The following ZNF283 variants were observed in gnomAD, a reference collection of about 807,000 sequenced individuals.
ZNF283 encodes zinc finger protein 283.
Under a neutral mutation model 9.2 loss-of-function variants are expected in ZNF283, and 10 were observed. The ratio of observed to expected loss-of-function variants is 1.09; its 90% confidence interval spans 0.67 to 1.85. ZNF283 has a LOEUF of 1.85. Among genes scored for constraint, ZNF283 ranks in the 40% most tolerant of loss-of-function variants. The probability of loss-of-function intolerance (pLI) is 0.00; values close to 1 mark genes in which losing one functional copy is unlikely to be tolerated. For synonymous variants in ZNF283, 234 were observed against 244.1 expected (o/e 0.96, Z 0.38); for missense variants, 631 against 760.1 (o/e 0.83, Z 2.00).
chr19:43,835,670 C>T (rs976475477), intron 5 of ZNF283, 78 bp downstream of exon 5: 55 of 1,183,218 alleles, frequency 4.6e-5, no homozygotes, highest in Middle Eastern at 4.0e-4. Context: ...TTCCTTAGAC[C>T]TATAGAACTT....
At chr19:43,839,468 G>T (rs1463531288) in intron 6 of ZNF283, among the ~76,000 whole-genome samples, 5 of 151,934 alleles carry the variant, frequency 3.3e-5, no homozygotes, top group African/African-American at 1.2e-4. Flanking sequence ...TTGGATGTGT[G>T]TATTCCTGCC....
At position 43,848,177 on chromosome 19, in the gene ZNF283, T is replaced by C; in HGVS notation, c.1576T>C (p.Cys526Arg). The change falls in exon 7 of 7, where the codon TGT (cysteine) becomes CGT (arginine). Residue 526 changes from cysteine to arginine, a missense_variant. Coordinates refer to ENST00000618787, the MANE Select transcript of ZNF283 (RefSeq NM_181845.2). Reference protein sequence around the residue: ...ECKECGKAFNCGSSLVQHERI... With the variant: ...ECKECGKAFNRGSSLVQHERI... Reference sequence around the variant, plus strand: ...TAAGGAATGTGGGAAGGCTTTTAATTGTGGATCAAGCCTTGTTCAACATGA... The same window carrying C: ...TAAGGAATGTGGGAAGGCTTTTAATCGTGGATCAAGCCTTGTTCAACATGA... 6.2e-7 allele frequency: 1 copy of C among 1,613,612 alleles called. No individual in the cohort carries two copies. The highest frequency in any genetic ancestry group is 8.5e-7 in the Non-Finnish European group (1 of 1,179,852).
At chr19:43,844,316 T>TA (rs1971325168) in intron 6 of ZNF283, among the ~76,000 whole-genome samples, 6 of 152,162 alleles carry the variant, frequency 3.9e-5, no homozygotes, top group Admixed American at 3.9e-4. Flanking sequence ...ACTGACACTG[T>TA]AAAACCTTAC....
At chr19:43,846,072 C>T (rs1792384773) in intron 6 of ZNF283, among the ~76,000 whole-genome samples, 1 of 152,066 alleles carries the variant, frequency 6.6e-6, no homozygotes, top group Non-Finnish European at 1.5e-5. Context: ...TGAATATCTT[C>T]TTAGGAACTT....
In ZNF283 at chr19:43,847,794, C is replaced by T. The variant is rs1207805324; in HGVS notation, c.1193C>T (p.Thr398Ile). The T allele has an allele frequency of 1.9e-6, 3 of 1,612,962 alleles. No individual in the cohort carries two copies. The African/African-American group carries it at 4.0e-5, about 22-fold the overall frequency. ...CTTACTCGACATCAGATATTTCATA[C>T]TGGTGAGAAACCCTATGAATGCAAG... ...YQLTRHQIFH[T>I]GEKPYECKEC... The change falls in exon 7 of 7, where the codon ACT becomes ATT. Residue 398 changes from threonine to isoleucine, a missense_variant. Thr to Ile is a moderately conservative substitution (Grantham distance 89). This residue lies in a region of ZNF283 where 444 missense variants were observed against 522.5 expected (regional missense o/e 0.85). Coordinates refer to ENST00000618787, the MANE Select transcript of ZNF283 (RefSeq NM_181845.2).
chr19:43,849,871 A>T lies in ZNF283; in HGVS notation c.*1230A>T, dbSNP rs534239360. ...TTAATACATATTAGCTATTGTTCATATTGTCTTTATTATTAGTATTACTAC... is the reference window on the plus strand; with the variant it reads ...TTAATACATATTAGCTATTGTTCATTTTGTCTTTATTATTAGTATTACTAC... On this transcript the variant is annotated 3_prime_UTR_variant, in exon 7 of 7. Coordinates refer to ENST00000618787, the MANE Select transcript of ZNF283 (RefSeq NM_181845.2). 1 of 152,092 alleles carries T rather than the reference A, an allele frequency of 6.6e-6. No individual in the cohort carries two copies. The highest frequency in any genetic ancestry group is 2.4e-5 in the African/African-American group (1 of 41,404). 9.4% of individuals were successfully genotyped at this position (152,092 alleles called of 1,614,324 possible).
intron 3 of ZNF283, among the ~76,000 whole-genome samples, chr19:43,833,180 T>G (rs1970793020): frequency 6.6e-6 from 1 of 152,176 alleles, no homozygotes; most frequent in Non-Finnish European, 1.5e-5. Context: ...AATGGATAAC[T>G]ATCAAGCTCA....
At position 43,849,639 on chromosome 19, in the gene ZNF283, A is replaced by G. The variant is rs1971550803; in HGVS notation, c.*998A>G. 6.6e-6 allele frequency: 1 copy of G among 152,196 alleles called. No homozygotes were observed. 9.4% of individuals were successfully genotyped at this position (152,196 alleles called of 1,614,324 possible). On this transcript the variant is annotated 3_prime_UTR_variant, in exon 7 of 7. Transcript: ENST00000618787. ...AGAGAGTAACTCTGTTAATGTAACA[A>G]ATGTAGGAAAACCCTTATCCATGGC...
chr19:43,838,028 C>G (rs895777187), intron 6 of ZNF283: 1 of 152,118 alleles, frequency 6.6e-6, no homozygotes, highest in East Asian at 1.9e-4. Flanking sequence ...CCTTGACTTG[C>G]GTATATGTCT....
intron 6 of ZNF283, chr19:43,840,691 CT>C (rs34863858): frequency 0.41 from 59,592 of 146,398 alleles, 12,149 homozygotes; most frequent in South Asian, 0.55. Flanking sequence ...CTCTCTCTCT[CT>C]TTTTTTTTTT....
In ZNF283 at chr19:43,851,236, A is replaced by T. The variant is rs1199116588; in HGVS notation, c.*2595A>T. 2 of 152,196 alleles carry T rather than the reference A, an allele frequency of 1.3e-5. No individual in the cohort carries two copies. The highest frequency in any genetic ancestry group is 2.9e-5 in the Non-Finnish European group (2 of 68,032). 9.4% of individuals were successfully genotyped at this position (152,196 alleles called of 1,614,324 possible). On this transcript the variant is annotated 3_prime_UTR_variant, in exon 7 of 7. Transcript: ENST00000618787. Reference sequence around the variant, plus strand: ...TTTGCCTGTTAACCAAGAAATGTAGACATGGTGCCTTATCCCAACATTTCT... The same window carrying T: ...TTTGCCTGTTAACCAAGAAATGTAGTCATGGTGCCTTATCCCAACATTTCT...
At chr19:43,844,400 A>G (rs1174644298) in intron 6 of ZNF283, among the ~76,000 whole-genome samples, 2 of 152,234 alleles carry the variant, frequency 1.3e-5, no homozygotes, top group Non-Finnish European at 2.9e-5. Flanking sequence ...TAAGCCTTAC[A>G]TAGAAATTAA....
chr19:43,832,944 C>T (rs2146536763), intron 3 of ZNF283, among the ~76,000 whole-genome samples: 1 of 146,354 alleles, frequency 6.8e-6, no homozygotes, highest in African/African-American at 2.5e-5. Flanking sequence ...AGGAGGATCA[C>T]TTGAGCCCAG....
At position 43,849,268 on chromosome 19, in the gene ZNF283, C is replaced by A. The variant is rs1971542714; in HGVS notation, c.*627C>A. The A allele has an allele frequency of 6.6e-6, 1 of 152,148 alleles. No homozygotes were observed. Among genetic ancestry groups the A allele is most frequent in the East Asian group, 1.9e-4 (1 of 5,202 alleles). The allele number at this position is 152,148 out of a possible 1,614,324, so 9.4% of individuals were successfully genotyped here. On this transcript the variant is annotated 3_prime_UTR_variant, in exon 7 of 7. Coordinates refer to ENST00000618787, the MANE Select transcript of ZNF283 (RefSeq NM_181845.2). ...GTGGAAAGTGAGTAAATATTTGGAACTTTTATAGCAATTTGACATTTCCAT... is the reference window on the plus strand; with the variant it reads ...GTGGAAAGTGAGTAAATATTTGGAAATTTTATAGCAATTTGACATTTCCAT...
intron 6 of ZNF283, among the ~76,000 whole-genome samples, chr19:43,840,014 A>G (rs1207263575): frequency 6.6e-6 from 1 of 152,088 alleles, no homozygotes; most frequent in African/African-American, 2.4e-5. Flanking sequence ...CATTTTGAGT[A>G]TTATAATGTG....
intron 6 of ZNF283, 126 bp downstream of exon 6, chr19:43,837,305 CT>C (rs761533772): frequency 7.3e-5 from 71 of 967,588 alleles, no homozygotes; most frequent in Non-Finnish European, 9.2e-5. Context: ...CAAGGGCATG[CT>C]TTTATACTTG....
Position 43,848,752 on chromosome 19 carries a change from T to G in ZNF283, c.*111T>G. Reference sequence around the variant, plus strand: ...GTAAGGGTTGTGCAAAAGCCATTCATTTCTGTTTATGGGCAATTATCTTGC... The same window carrying G: ...GTAAGGGTTGTGCAAAAGCCATTCAGTTCTGTTTATGGGCAATTATCTTGC... On this transcript the variant is annotated 3_prime_UTR_variant, in exon 7 of 7. Coordinates refer to ENST00000618787, the MANE Select transcript of ZNF283 (RefSeq NM_181845.2). 9.4e-7 allele frequency: 1 copy of G among 1,068,264 alleles called. No homozygotes were observed. The highest frequency in any genetic ancestry group is 1.3e-6 in the Non-Finnish European group (1 of 772,858). The allele number at this position is 1,068,264 out of a possible 1,614,324, so 66.2% of individuals were successfully genotyped here.
chr19:43,838,660 A>G (rs1971078475), intron 6 of ZNF283, among the ~76,000 whole-genome samples: 2 of 152,024 alleles, frequency 1.3e-5, no homozygotes, highest in Non-Finnish European at 2.9e-5. Flanking sequence ...TCCTCTTTAA[A>G]CTTTCCATTT....
At position 43,851,828 on chromosome 19, in the gene ZNF283, C is replaced by T. The variant is rs1971620044; in HGVS notation, c.*3187C>T. On this transcript the variant is annotated 3_prime_UTR_variant, in exon 7 of 7. Coordinates refer to ENST00000618787, the MANE Select transcript of ZNF283 (RefSeq NM_181845.2). Reference sequence around the variant, plus strand: ...ACTGTTGAAATACTTATTCCCATGACCTATTATCTTTGTAGGTGGGTGAAA... The same window carrying T: ...ACTGTTGAAATACTTATTCCCATGATCTATTATCTTTGTAGGTGGGTGAAA... 6.6e-6 allele frequency: 1 copy of T among 152,198 alleles called. No homozygotes were observed. The highest frequency in any genetic ancestry group is 1.5e-5 in the Non-Finnish European group (1 of 68,028). 9.4% of individuals were successfully genotyped at this position (152,198 alleles called of 1,614,324 possible). A position where few individuals can be genotyped will look rare whatever the true frequency, so the allele number is the denominator to read the frequency against.
Sources: gnomAD v4.1 joint callset for allele counts (sites outside exome capture counted in the v4.1 genomes callset) on GRCh38, gnomAD v4.1.1 for gene constraint, gnomAD v4.1.1 regional missense constraint, MANE v1.5 for transcripts, NCBI Gene and HGNC (gene_info 2026-07-23, HGNC 2026-07-21) for gene names.